RBM25: variants seen among roughly 807,000 people sequenced by gnomAD.
The protein encoded by RBM25 is RNA-binding protein 25.
A neutral mutation model predicts 120.7 loss-of-function variants in RBM25; 19 were observed. The ratio of observed to expected loss-of-function variants is 0.16; its 90% confidence interval spans 0.11 to 0.23. RBM25 has a LOEUF of 0.23. Among genes scored for constraint, RBM25 ranks in the 10% least tolerant of loss-of-function variants. RBM25 has a pLI of 1.00. For synonymous variants in RBM25, 390 were observed against 326.7 expected (o/e 1.19, Z -2.09); for missense variants, 605 against 1,041.5 (o/e 0.58, Z 5.77).
intron 18 of RBM25, among the ~76,000 whole-genome samples, chr14:73,115,807 G>T (rs934618965): frequency 1.1e-4 from 17 of 152,202 alleles, no homozygotes; most frequent in Non-Finnish European, 2.2e-4. Flanking sequence ...GTTGTGGAAG[G>T]CGAATTGTAA....
intron 1 of RBM25, among the ~76,000 whole-genome samples, chr14:73,067,143 C>T (rs1895158137): frequency 6.7e-6 from 1 of 149,532 alleles, no homozygotes; most frequent in African/African-American, 2.5e-5. Flanking sequence ...CGTCTCGGCT[C>T]ACTGCAACCT....
chr14:73,103,084 G>T lies in RBM25; in HGVS notation c.868-108G>T, dbSNP rs902421470. 7.3e-6 allele frequency: 11 copies of T among 1,515,782 alleles called. No individual in the cohort carries two copies. The South Asian group carries it at 1.5e-4, about 21-fold the overall frequency. The allele number at this position is 1,515,782 out of a possible 1,614,324, so 93.9% of individuals were successfully genotyped here. On this transcript the variant is annotated intron_variant, in intron 9 of 18. Coordinates refer to ENST00000261973, the MANE Select transcript of RBM25 (RefSeq NM_021239.3). ...AAAACCACAAGTATTTAATATTAATGTATCAGTGGTTTGGTGTTTTTGTTC... is the reference window on the plus strand; with the variant it reads ...AAAACCACAAGTATTTAATATTAATTTATCAGTGGTTTGGTGTTTTTGTTC...
At chr14:73,071,888 T>A (rs1013175778) in intron 2 of RBM25, 141 bp downstream of exon 2, 1 of 648,414 alleles carries the variant, frequency 1.5e-6, no homozygotes, top group African/African-American at 1.9e-5. Flanking sequence ...TGTCTCTTTT[T>A]CCTATAGCAG....
intron 14 of RBM25, among the ~76,000 whole-genome samples, chr14:73,110,346 C>G (rs79633808): frequency 0.17 from 25,754 of 151,872 alleles, 2,394 homozygotes; most frequent in South Asian, 0.25. Context: ...GAATGCCTGA[C>G]TGAATACTTT....
chr14:73,109,164 A>G, intron 13 of RBM25, 178 bp from the exon 14 acceptor site: 1 of 543,696 alleles, frequency 1.8e-6, no homozygotes, highest in South Asian at 2.7e-5. Flanking sequence ...AATGCTTGTT[A>G]TACATTTACA....
chr14:73,088,834 A>G (rs940971938), intron 6 of RBM25, among the ~76,000 whole-genome samples: 5 of 152,222 alleles, frequency 3.3e-5, no homozygotes, highest in Admixed American at 2.0e-4. Context: ...AATTTTTATT[A>G]TCTTTCAAAA....
At chr14:73,085,724 G>A (rs1412564774) in intron 5 of RBM25, among the ~76,000 whole-genome samples, 2 of 152,164 alleles carry the variant, frequency 1.3e-5, no homozygotes, top group Admixed American at 6.6e-5. Flanking sequence ...TGGGATTACA[G>A]GCTTGAGCCA....
chr14:73,109,101 A>G (rs905646700), intron 13 of RBM25: 3 of 274,840 alleles, frequency 1.1e-5, no homozygotes, highest in African/African-American at 6.7e-5. Flanking sequence ...TTGTTTAGAC[A>G]CTTATTAGAA....
At chr14:73,110,519 C>T (rs1368703294) in intron 14 of RBM25, among the ~76,000 whole-genome samples, 1 of 151,822 alleles carries the variant, frequency 6.6e-6, no homozygotes, top group African/African-American at 2.4e-5. Context: ...ACCTCCACCT[C>T]CCAGGTTCAA....
intron 10 of RBM25, among the ~76,000 whole-genome samples, chr14:73,104,742 G>C (rs1896143900): frequency 6.6e-6 from 1 of 152,118 alleles, no homozygotes; most frequent in Non-Finnish European, 1.5e-5. Context: ...AGGAAGAGGA[G>C]AAAGCAGCAA....
At chr14:73,095,022 A>G (rs1288064293) in intron 6 of RBM25, among the ~76,000 whole-genome samples, 1 of 148,078 alleles carries the variant, frequency 6.8e-6, no homozygotes, top group Non-Finnish European at 1.5e-5. Flanking sequence ...ATGCCCAGCT[A>G]ATTTTTTGTA....
At chr14:73,066,337 T>A (rs1895132001) in intron 1 of RBM25, among the ~76,000 whole-genome samples, 1 of 152,240 alleles carries the variant, frequency 6.6e-6, no homozygotes, top group African/African-American at 2.4e-5. Context: ...TTGCCAAGTA[T>A]ATTAAATCCT....
At chr14:73,067,066 A>G (rs923905528) in intron 1 of RBM25, among the ~76,000 whole-genome samples, 2 of 130,948 alleles carry the variant, frequency 1.5e-5, no homozygotes, top group Non-Finnish European at 3.5e-5. Context: ...GGATACATAT[A>G]ATTTTTTTTT....
chr14:73,085,390 A>G (rs1001734462), intron 5 of RBM25, among the ~76,000 whole-genome samples: 5 of 148,984 alleles, frequency 3.4e-5, no homozygotes, highest in African/African-American at 9.8e-5. Context: ...TATTAGTAGA[A>G]TGCTTCTCTA....
chr14:73,120,800 TGACA>T lies in RBM25; in HGVS notation c.*1001_*1004del, dbSNP rs1324818714. 1.3e-5 allele frequency: 2 copies of T among 152,162 alleles called. No homozygotes were observed. The highest frequency in any genetic ancestry group is 2.9e-5 in the Non-Finnish European group (2 of 68,026). 9.4% of individuals were successfully genotyped at this position (152,162 alleles called of 1,614,324 possible). On this transcript the variant is annotated 3_prime_UTR_variant, in exon 19 of 19. Transcript: ENST00000261973. Reference sequence around the variant, plus strand: ...AAAAATGAAATAAAATTAGGCAAATTGACAGACAGTGAGAGTTTTACAAACATGA... The same window carrying T: ...AAAAATGAAATAAAATTAGGCAAATTGACAGTGAGAGTTTTACAAACATGA...
At chr14:73,093,712 G>C (rs1381780366) in intron 6 of RBM25, among the ~76,000 whole-genome samples, 1 of 151,826 alleles carries the variant, frequency 6.6e-6, no homozygotes, top group African/African-American at 2.4e-5. Context: ...TCGCCATGTT[G>C]GCTAGGCTGG....
intron 14 of RBM25, 118 bp from the exon 15 acceptor site, chr14:73,110,713 G>T: frequency 8.0e-7 from 1 of 1,243,246 alleles, no homozygotes; most frequent in East Asian, 2.5e-5. Context: ...ACAGGCATGA[G>T]CCACCATACC....
intron 4 of RBM25, among the ~76,000 whole-genome samples, chr14:73,079,437 G>A (rs945501019): frequency 1.3e-5 from 2 of 150,434 alleles, no homozygotes; most frequent in African/African-American, 2.4e-5. Flanking sequence ...ACAAAAAAAG[G>A]AGTTTGGAAG....
chr14:73,102,783 A>C (rs1896080444), intron 9 of RBM25: 1 of 163,114 alleles, frequency 6.1e-6, no homozygotes, highest in Admixed American at 5.8e-5. Flanking sequence ...GGTAATGTGC[A>C]GTCTGGGGTT....
Sources: gnomAD v4.1 joint callset for allele counts (sites outside exome capture counted in the v4.1 genomes callset) on GRCh38, gnomAD v4.1.1 for gene constraint, MANE v1.5 for transcripts, NCBI Gene and HGNC (gene_info 2026-07-23, HGNC 2026-07-21) for gene names.